The following BRINP2 variants were observed in gnomAD, a reference collection of about 807,000 sequenced individuals.
BRINP2 encodes BMP/retinoic acid inducible neural specific 2.
A neutral mutation model predicts 69.2 loss-of-function variants in BRINP2; 21 were observed. The observed-to-expected ratio is 0.30, with a 90% CI of 0.22 to 0.44. BRINP2 has a LOEUF of 0.44. Among genes scored for constraint, BRINP2 ranks in the 20% least tolerant of loss-of-function variants. BRINP2 has a pLI of 1.00. For synonymous variants in BRINP2, 380 were observed against 394.1 expected (o/e 0.96, Z 0.42); for missense variants, 877 against 986.0 (o/e 0.89, Z 1.48).
In BRINP2 at chr1:177,173,967, T is replaced by A. The variant is rs534581; in HGVS notation, c.-77+2235T>A. Among the ~76,000 whole-genome samples, 1,310 of 152,324 alleles carry A rather than the reference T, an allele frequency of 8.6e-3. 21 individuals carry two copies. The highest frequency in any genetic ancestry group is 0.03 in the African/African-American group (1,262 of 41,578). The stretch of plus-strand genomic sequence containing the variant: ...ATTTTTGGTGATTCAACTCTTTCTC[T>A]TAAATAATAAGACCTTGTATACATT... On this transcript the variant is annotated intron_variant, in intron 1 of 7. Coordinates refer to ENST00000361539, the MANE Select transcript of BRINP2 (RefSeq NM_021165.4).
chr1:177,230,005 C>A lies in BRINP2; in HGVS notation c.129C>A (p.Pro43=). 1 of 1,613,546 alleles carries A rather than the reference C, an allele frequency of 6.2e-7. No individual in the cohort carries two copies. Among genetic ancestry groups the A allele is most frequent in the Non-Finnish European group, 8.5e-7 (1 of 1,179,934 alleles). ...CAGCCACGGCGGCTGCTGTGGTCCC[C>A]GAGCAGCATGCCTCCGTAGCTGGCC... is the stretch of plus-strand genomic sequence containing the variant. ...AVSATAAAVV[P]EQHASVAGQH... Residue 43 remains proline (P), a synonymous_variant, in exon 2 of 8, where the codon CCC becomes CCA. Coordinates refer to ENST00000361539, the MANE Select transcript of BRINP2 (RefSeq NM_021165.4).
chr1:177,278,555 G>A lies in BRINP2; in HGVS notation c.1013-8G>A. Reference sequence around the variant, plus strand: ...CCGTCAGCTCAGGTCCTGTGTTCTTGTCCACAGAAGAGTTCCAGGCCCTGC... The same window carrying A: ...CCGTCAGCTCAGGTCCTGTGTTCTTATCCACAGAAGAGTTCCAGGCCCTGC... On this transcript the variant is annotated splice_polypyrimidine_tract_variant and splice_region_variant and intron_variant, in intron 6 of 7. Transcript: ENST00000361539. The A allele has an allele frequency of 2.5e-6, 4 of 1,613,960 alleles. No homozygotes were observed. Among genetic ancestry groups the A allele is most frequent in the African/African-American group, 1.3e-5 (1 of 75,030 alleles).
At chr1:177,198,715 A>G (rs190282015) in intron 1 of BRINP2, among the ~76,000 whole-genome samples, 17 of 152,362 alleles carry the variant, frequency 1.1e-4, no homozygotes, top group Non-Finnish European at 2.2e-4. Flanking sequence ...TTCTTGACAT[A>G]TAATAAATGC....
intron 2 of BRINP2, among the ~76,000 whole-genome samples, chr1:177,245,074 A>G (rs1650332853): frequency 6.6e-6 from 1 of 152,160 alleles, no homozygotes; most frequent in Non-Finnish European, 1.5e-5. Flanking sequence ...GTAGGATTAT[A>G]GTGACAATTT....
At chr1:177,239,521 A>C (rs1650131224) in intron 2 of BRINP2, among the ~76,000 whole-genome samples, 1 of 152,252 alleles carries the variant, frequency 6.6e-6, no homozygotes, top group African/African-American at 2.4e-5. Context: ...TGACTTTAGA[A>C]TTAGGTAGGT....
At chr1:177,212,272 G>A (rs935958283) in intron 1 of BRINP2, among the ~76,000 whole-genome samples, 8 of 152,230 alleles carry the variant, frequency 5.3e-5, no homozygotes, top group South Asian at 2.1e-4. Context: ...TAGGCCAGGC[G>A]CGGTGGCTCA....
At chr1:177,269,981 A>G (rs1651251880) in intron 4 of BRINP2, among the ~76,000 whole-genome samples, 1 of 150,896 alleles carries the variant, frequency 6.6e-6, no homozygotes, top group South Asian at 2.1e-4. Flanking sequence ...CTCTCTTTAT[A>G]ATCTGCCAAA....
At chr1:177,278,427 C>A in intron 6 of BRINP2, 136 bp from the exon 7 acceptor site, 1 of 759,956 alleles carries the variant, frequency 1.3e-6, no homozygotes, top group Non-Finnish European at 2.2e-6. Flanking sequence ...TAAAAAAGCA[C>A]CCAGGGAAAT....
At chr1:177,192,338 A>G (rs1238817920) in intron 1 of BRINP2, among the ~76,000 whole-genome samples, 1 of 152,174 alleles carries the variant, frequency 6.6e-6, no homozygotes, top group Non-Finnish European at 1.5e-5. Flanking sequence ...ATATCTCATC[A>G]TGTCTCTCAG....
At chr1:177,192,976 C>T (rs748062837) in intron 1 of BRINP2, among the ~76,000 whole-genome samples, 36 of 152,146 alleles carry the variant, frequency 2.4e-4, no homozygotes, top group Non-Finnish European at 1.2e-4. Context: ...CTGCAAAGAC[C>T]GTATGGTGAA....
chr1:177,248,130 G>A (rs1057056692), intron 2 of BRINP2, among the ~76,000 whole-genome samples: 7 of 152,170 alleles, frequency 4.6e-5, no homozygotes, highest in Non-Finnish European at 1.0e-4. Context: ...TTCGTGTGAA[G>A]TTATAGCACA....
chr1:177,279,202 C>A (rs1485734566), intron 7 of BRINP2, among the ~76,000 whole-genome samples: 2 of 152,134 alleles, frequency 1.3e-5, no homozygotes, highest in East Asian at 3.9e-4. Flanking sequence ...GAGACCTGCA[C>A]CCTCAGGGAT....
intron 4 of BRINP2, among the ~76,000 whole-genome samples, chr1:177,268,420 T>C (rs1263761727): frequency 6.6e-6 from 1 of 152,200 alleles, no homozygotes; most frequent in African/African-American, 2.4e-5. Flanking sequence ...GGATGGGGTA[T>C]TCTGCTTACC....
At chr1:177,275,726 T>C (rs1651470085) in intron 5 of BRINP2, among the ~76,000 whole-genome samples, 1 of 152,168 alleles carries the variant, frequency 6.6e-6, no homozygotes, top group Admixed American at 6.5e-5. Context: ...AGGGTCAGAA[T>C]TCAATAATGT....
intron 1 of BRINP2, among the ~76,000 whole-genome samples, chr1:177,195,662 G>T (rs186632536): frequency 5.9e-5 from 9 of 151,926 alleles, no homozygotes; most frequent in South Asian, 4.2e-4. Flanking sequence ...TGGCAAGTGG[G>T]GGGGGAATCA....
At chr1:177,252,758 G>C (rs1457559467) in intron 2 of BRINP2, among the ~76,000 whole-genome samples, 1 of 152,072 alleles carries the variant, frequency 6.6e-6, no homozygotes, top group Non-Finnish European at 1.5e-5. Flanking sequence ...GGTAACCACT[G>C]TTCTAGTCTC....
chr1:177,270,983 C>G (rs1185697878), intron 4 of BRINP2, among the ~76,000 whole-genome samples: 2 of 152,180 alleles, frequency 1.3e-5, no homozygotes, highest in Non-Finnish European at 2.9e-5. Flanking sequence ...AATAAAGAAA[C>G]ATGATTCAGC....
At chr1:177,191,820 G>T (rs906787121) in intron 1 of BRINP2, among the ~76,000 whole-genome samples, 6 of 152,184 alleles carry the variant, frequency 3.9e-5, no homozygotes, top group African/African-American at 1.4e-4. Context: ...GTGTGCAGAA[G>T]GGACCCAGAC....
intron 1 of BRINP2, among the ~76,000 whole-genome samples, chr1:177,197,506 G>A (rs1258574911): frequency 6.6e-6 from 1 of 152,144 alleles, no homozygotes; most frequent in East Asian, 1.9e-4. Flanking sequence ...TATAAAAAAA[G>A]AGAGAGAGAA....
Sources: gnomAD v4.1 joint callset for allele counts (sites outside exome capture counted in the v4.1 genomes callset) on GRCh38, gnomAD v4.1.1 for gene constraint, MANE v1.5 for transcripts, NCBI Gene and HGNC (gene_info 2026-07-23, HGNC 2026-07-21) for gene names.